The following PRKD1 variants were observed in gnomAD, a reference collection of about 807,000 sequenced individuals.
The protein encoded by PRKD1 is serine/threonine-protein kinase D1.
In PRKD1, 63 loss-of-function variants were observed where a neutral mutation model predicts 95.9. The observed-to-expected ratio is 0.66, with a 90% confidence interval of 0.54 to 0.81. The LOEUF is 0.81. PRKD1 is among the 30% of genes least tolerant of loss of function. PRKD1 has a pLI of 0.00. For missense variants in PRKD1, 1,048 were observed against 1,165.3 expected, an observed-to-expected ratio of 0.90 and a Z score of 1.47; for synonymous variants, 425 against 423.1, an observed-to-expected ratio of 1.00 and a Z score of -0.05.
Position 29,605,669 on chromosome 14 carries a change from T to C in PRKD1, c.1906-5852A>G, listed in dbSNP as rs377750878. 1.4e-4 allele frequency among the ~76,000 whole-genome samples: 21 copies of C among 152,372 alleles called. No homozygotes were observed. The East Asian group carries it at 3.9e-3, about 28-fold the overall frequency. The stretch of plus-strand genomic sequence containing the variant: ...AAGGCTACAAGCTCCATAAGAGCTA[T>C]AATTTATCATTTTGTATTCCCAGTC... On this transcript the variant is annotated intron_variant, in intron 13 of 17. Coordinates refer to ENST00000331968, the MANE Select transcript of PRKD1 (RefSeq NM_002742.3).
At chr14:29,882,725 C>T (rs1039619408) in intron 1 of PRKD1, among the ~76,000 whole-genome samples, 10 of 152,232 alleles carry the variant, frequency 6.6e-5, no homozygotes, top group African/African-American at 2.4e-4. Context: ...CTAGACACCT[C>T]ATACAAGTTA....
chr14:29,693,722 C>T lies in PRKD1; in HGVS notation c.404-27514G>A, dbSNP rs560964548. ...CAATAAGGACAAGTAAATTTCAAAT[C>T]CATATTATCTTGTAAGAAGAAATTA... On this transcript the variant is annotated intron_variant, in intron 2 of 17. Coordinates refer to ENST00000331968, the MANE Select transcript of PRKD1 (RefSeq NM_002742.3). 4.6e-5 allele frequency among the ~76,000 whole-genome samples: 7 copies of T among 150,820 alleles called. No individual in the cohort carries two copies. In the South Asian group the frequency reaches 1.5e-3, roughly 32 times the overall value.
In PRKD1 at chr14:29,927,246, T is replaced by G. The variant is rs1456417012; in HGVS notation, c.264+3A>C. On this transcript the variant is annotated splice_donor_region_variant and intron_variant, in intron 1 of 17. Coordinates refer to ENST00000331968, the MANE Select transcript of PRKD1 (RefSeq NM_002742.3). ...CCGGGCTGGCAGCGGTGCGGCGACT[T>G]ACCTTCTGGTCGACAATGGAGCAAG... is the stretch of plus-strand genomic sequence containing the variant. 1.3e-6 allele frequency: 2 copies of G among 1,496,258 alleles called. No individual in the cohort carries two copies. Among genetic ancestry groups the G allele is most frequent in the African/African-American group, 2.9e-5 (2 of 68,240 alleles). 92.7% of individuals were successfully genotyped at this position (1,496,258 alleles called of 1,614,324 possible).
At chr14:29,628,989 T>C in intron 11 of PRKD1, 52 bp downstream of exon 11, 1 of 1,269,574 alleles carries the variant, frequency 7.9e-7, no homozygotes, top group East Asian at 2.7e-5. Flanking sequence ...ATGATGCTTT[T>C]ATTTTCCAGT....
intron 1 of PRKD1, among the ~76,000 whole-genome samples, chr14:29,853,542 C>A (rs1892384815): frequency 6.6e-6 from 1 of 152,202 alleles, no homozygotes. Context: ...TAGACAGTGG[C>A]AGAGATGAAA....
At chr14:29,663,449 G>A (rs1419404146) in intron 4 of PRKD1, among the ~76,000 whole-genome samples, 1 of 151,984 alleles carries the variant, frequency 6.6e-6, no homozygotes, top group African/African-American at 2.4e-5. Flanking sequence ...GTGCTGCTCT[G>A]GCCCTGTGAC....
At chr14:29,580,564 C>T (rs561684812) in intron 16 of PRKD1, among the ~76,000 whole-genome samples, 20 of 152,130 alleles carry the variant, frequency 1.3e-4, no homozygotes, top group African/African-American at 4.3e-4. Context: ...GTTGGGACCA[C>T]GGTATTAGTG....
At chr14:29,583,541 G>A (rs1027341786) in intron 16 of PRKD1, among the ~76,000 whole-genome samples, 1 of 152,056 alleles carries the variant, frequency 6.6e-6, no homozygotes, top group African/African-American at 2.4e-5. Context: ...CATTTATTCT[G>A]GGGGGTGAGT....
At chr14:29,814,280 T>C (rs773570584) in intron 1 of PRKD1, among the ~76,000 whole-genome samples, 23 of 152,234 alleles carry the variant, frequency 1.5e-4, no homozygotes, top group African/African-American at 5.1e-4. Flanking sequence ...GGTGTAGGTA[T>C]GGCAACAACA....
In PRKD1 at chr14:29,927,429, G is replaced by T. The variant is rs769097596; in HGVS notation, c.84C>A (p.Val28=). 8 of 1,353,632 alleles carry T rather than the reference G, an allele frequency of 5.9e-6. No homozygotes were observed. The South Asian group carries it at 1.1e-4, about 19-fold the overall frequency. The allele number at this position is 1,353,632 out of a possible 1,614,324, so 83.9% of individuals were successfully genotyped here. A position where few individuals can be genotyped will look rare whatever the true frequency, so the allele number is the denominator to read the frequency against. ...AAAAAAAAAL[V]PGSGPGPAPF... ...GCGCGGGCCCGGGCCCGGACCCTGG[G>T]ACCAGTGCGGCGGCCGCTGCGGCAG... The change falls in exon 1 of 18, where the codon GTC becomes GTA. Residue 28 remains valine (V), a synonymous_variant. Coordinates refer to ENST00000331968, the MANE Select transcript of PRKD1 (RefSeq NM_002742.3).
chr14:29,590,052 T>C (rs773900400), intron 16 of PRKD1, among the ~76,000 whole-genome samples: 5 of 152,210 alleles, frequency 3.3e-5, no homozygotes, highest in South Asian at 2.1e-4. Flanking sequence ...GAGATAAGTA[T>C]ATAAAGTGAG....
intron 2 of PRKD1, among the ~76,000 whole-genome samples, chr14:29,704,797 T>C (rs1884999313): frequency 6.6e-6 from 1 of 152,210 alleles, no homozygotes; most frequent in Non-Finnish European, 1.5e-5. Flanking sequence ...TCTCATTTTT[T>C]TGTGTAGATG....
At chr14:29,858,751 T>G (rs898884136) in intron 1 of PRKD1, among the ~76,000 whole-genome samples, 1 of 152,148 alleles carries the variant, frequency 6.6e-6, no homozygotes, top group African/African-American at 2.4e-5. Flanking sequence ...TTATCTTTTA[T>G]CTTTGAGAAG....
At chr14:29,842,398 G>A (rs1414210463) in intron 1 of PRKD1, among the ~76,000 whole-genome samples, 1 of 152,218 alleles carries the variant, frequency 6.6e-6, no homozygotes, top group Non-Finnish European at 1.5e-5. Flanking sequence ...TGAGTAATGT[G>A]TTGTGCTATA....
intron 1 of PRKD1, among the ~76,000 whole-genome samples, chr14:29,792,607 A>C (rs1258454533): frequency 1.3e-5 from 2 of 152,126 alleles, no homozygotes; most frequent in Non-Finnish European, 2.9e-5. Flanking sequence ...AAGTCAACAA[A>C]AGTGGGAAGG....
intron 2 of PRKD1, among the ~76,000 whole-genome samples, chr14:29,674,205 T>C (rs888919930): frequency 1.3e-5 from 2 of 152,140 alleles, no homozygotes; most frequent in African/African-American, 4.8e-5. Context: ...TGTTTCTAAG[T>C]CTGTTGCCAA....
intron 1 of PRKD1, among the ~76,000 whole-genome samples, chr14:29,774,653 T>G (rs1888655043): frequency 6.6e-6 from 1 of 152,334 alleles, no homozygotes; most frequent in East Asian, 1.9e-4. Flanking sequence ...GTGCATTTTT[T>G]CATATCATTC....
At chr14:29,723,044 C>T (rs1885975320) in intron 2 of PRKD1, among the ~76,000 whole-genome samples, 1 of 151,956 alleles carries the variant, frequency 6.6e-6, no homozygotes, top group African/African-American at 2.4e-5. Context: ...AAGCTGGAGC[C>T]TTGTCTTATT....
chr14:29,698,353 T>C (rs1031367805), intron 2 of PRKD1, among the ~76,000 whole-genome samples: 1 of 152,170 alleles, frequency 6.6e-6, no homozygotes, highest in South Asian at 2.1e-4. Flanking sequence ...AGGAAAGCTT[T>C]TTCTTTTTTA....
Sources: gnomAD v4.1 joint callset for allele counts (sites outside exome capture counted in the v4.1 genomes callset) on GRCh38, gnomAD v4.1.1 for gene constraint, MANE v1.5 for transcripts, NCBI Gene and HGNC (gene_info 2026-07-23, HGNC 2026-07-21) for gene names.